Variants in SYT14 observed in about 807,000 individuals in gnomAD.
SYT14 encodes the protein synaptotagmin 14, also known as synaptotagmin-14.
Under a neutral mutation model 74.2 loss-of-function variants are expected in SYT14, and 32 were observed. The ratio of observed to expected loss-of-function variants is 0.43; its 90% CI spans 0.33 to 0.58. The LOEUF (loss-of-function observed/expected upper bound fraction) is 0.58, where lower values mean the gene tolerates loss of function less well. SYT14 is among the 20% of genes least tolerant of loss of function. The pLI, the probability that SYT14 is intolerant of heterozygous loss-of-function variation, is 0.05. For missense variants in SYT14, 791 were observed against 981.8 expected, an observed-to-expected ratio of 0.81 and a Z score of 2.60; for synonymous variants, 298 against 337.7, an observed-to-expected ratio of 0.88 and a Z score of 1.29.
intron 5 of SYT14, among the ~76,000 whole-genome samples, chr1:210,066,781 C>T (rs368547494): frequency 5.3e-5 from 8 of 151,960 alleles, no homozygotes; most frequent in South Asian, 4.2e-4. Flanking sequence ...TTATTAGCAG[C>T]GTGAGAACGG....
At chr1:210,111,535 T>G (rs2082261970) in intron 7 of SYT14, among the ~76,000 whole-genome samples, 2 of 150,984 alleles carry the variant, frequency 1.3e-5, no homozygotes, top group South Asian at 4.2e-4. Context: ...TATGGAGAGA[T>G]AATGGGCAAT....
chr1:210,123,307 C>T (rs1187079870), intron 7 of SYT14, among the ~76,000 whole-genome samples: 3 of 152,146 alleles, frequency 2.0e-5, no homozygotes, highest in Non-Finnish European at 4.4e-5. Context: ...AGACATACCA[C>T]CTTCTGAAGA....
At chr1:210,155,957 G>A in intron 8 of SYT14, 47 bp downstream of exon 7, 1 of 1,562,764 alleles carries the variant, frequency 6.4e-7, no homozygotes, top group Non-Finnish European at 8.8e-7. Context: ...CTGCACTTTT[G>A]GGACTCTCAG....
chr1:210,021,385 T>G, intron 5 of SYT14, 131 bp downstream of exon 4: 1 of 941,848 alleles, frequency 1.1e-6, no homozygotes, highest in Non-Finnish European at 1.6e-6. Flanking sequence ...TTTCTGGGAA[T>G]GTAATTTATT....
intron 5 of SYT14, among the ~76,000 whole-genome samples, chr1:210,029,604 C>G (rs956134866): frequency 1.3e-5 from 2 of 152,092 alleles, no homozygotes; most frequent in Non-Finnish European, 1.5e-5. Flanking sequence ...CTCTCTGTTT[C>G]ATTCCATTGG....
intron 7 of SYT14, among the ~76,000 whole-genome samples, chr1:210,146,479 A>G (rs1191024439): frequency 6.6e-6 from 1 of 152,204 alleles, no homozygotes; most frequent in Non-Finnish European, 1.5e-5. Context: ...TGTATTAGGT[A>G]CTACAGTATA....
intron 5 of SYT14, among the ~76,000 whole-genome samples, chr1:210,075,337 GGTTT>G (rs1470502662): frequency 7.9e-6 from 1 of 127,200 alleles, no homozygotes; most frequent in African/African-American, 3.3e-5. Flanking sequence ...GGGTCTCGAG[GGTTT>G]GTTTTTTTTT....
At chr1:210,051,093 T>A (rs547884338) in intron 5 of SYT14, among the ~76,000 whole-genome samples, 1 of 152,364 alleles carries the variant, frequency 6.6e-6, no homozygotes, top group African/African-American at 2.4e-5. Flanking sequence ...CTTCCTCTTA[T>A]TTCTCTTTTC....
chr1:210,087,534 C>A (rs941823455), intron 5 of SYT14, among the ~76,000 whole-genome samples: 1 of 152,144 alleles, frequency 6.6e-6, no homozygotes, highest in African/African-American at 2.4e-5. Context: ...GCTTCCTTAT[C>A]CTGCCAAGGC....
exon 7 of SYT14, chr1:210,100,247 A>G (rs2082039124): frequency 6.2e-7 from 1 of 1,614,028 alleles, no homozygotes; most frequent in Non-Finnish European, 8.5e-7. Flanking sequence ...ACCAGCATCC[A>G]GAGAGGACCA....
chr1:209,953,786 C>T lies in SYT14; in HGVS notation c.-486+1030C>T, dbSNP rs183887258. ...TTGCTGTTCATTTAAAATCTTCTTC[C>T]TTTATTAAAGTATAGTTTTTCCATA... On this transcript the variant is annotated intron_variant, in intron 2 of 9. Transcript: ENST00000637265. Among the ~76,000 whole-genome samples, 805 of 152,204 alleles carry T rather than the reference C, an allele frequency of 5.3e-3. 7 individuals carry two copies. Among genetic ancestry groups the T allele is most frequent in the Middle Eastern group, 0.01 (3 of 294 alleles).
intron 7 of SYT14, among the ~76,000 whole-genome samples, chr1:210,131,440 C>T (rs1374294983): frequency 6.6e-6 from 1 of 151,896 alleles, no homozygotes; most frequent in African/African-American, 2.4e-5. Flanking sequence ...GTCTTAATTG[C>T]ACAGTAGAAT....
chr1:210,004,585 C>T (rs1347483092), intron 2 of SYT14, among the ~76,000 whole-genome samples: 1 of 151,768 alleles, frequency 6.6e-6, no homozygotes, highest in African/African-American at 2.4e-5. Context: ...GGCTGGTGAC[C>T]CTTGTAGCAC....
At chr1:209,968,337 G>A (rs1051200233) in intron 2 of SYT14, among the ~76,000 whole-genome samples, 13 of 151,704 alleles carry the variant, frequency 8.6e-5, no homozygotes, top group East Asian at 1.9e-4. Flanking sequence ...GTGTAATGAC[G>A]TGTATCCACC....
chr1:210,021,142 A>G (rs758677368), exon 5 of SYT14: 4 of 1,613,946 alleles, frequency 2.5e-6, no homozygotes, highest in Middle Eastern at 1.6e-4. Flanking sequence ...ACAATTCCAG[A>G]CTACCACTGG....
At chr1:209,984,609 A>T (rs1442869239) in intron 2 of SYT14, among the ~76,000 whole-genome samples, 1 of 152,136 alleles carries the variant, frequency 6.6e-6, no homozygotes, top group Non-Finnish European at 1.5e-5. Flanking sequence ...GAAGAACTTT[A>T]ATATTTCTTA....
intron 5 of SYT14, among the ~76,000 whole-genome samples, chr1:210,070,050 T>C (rs972384266): frequency 1.3e-5 from 2 of 152,142 alleles, no homozygotes; most frequent in Non-Finnish European, 2.9e-5. Flanking sequence ...CTGCAAAATA[T>C]AGTGGTCACT....
chr1:209,974,291 C>G (rs1339600486), intron 2 of SYT14, among the ~76,000 whole-genome samples: 1 of 152,114 alleles, frequency 6.6e-6, no homozygotes, highest in Non-Finnish European at 1.5e-5. Context: ...TTGCCCATGC[C>G]TATGTCCTGA....
At chr1:210,109,001 T>A (rs2451696) in intron 7 of SYT14, among the ~76,000 whole-genome samples, 1 of 151,964 alleles carries the variant, frequency 6.6e-6, no homozygotes, top group South Asian at 2.1e-4. Flanking sequence ...AGGGATAATT[T>A]TCAAGAGGGC....
Sources: gnomAD v4.1 joint callset for allele counts (sites outside exome capture counted in the v4.1 genomes callset) on GRCh38, gnomAD v4.1.1 for gene constraint, MANE v1.5 for transcripts, NCBI Gene and HGNC (gene_info 2026-07-23, HGNC 2026-07-21) for gene names.